The following MICAL3 variants were observed in gnomAD, a reference collection of about 807,000 sequenced individuals.
MICAL3 encodes the protein [F-actin]-monooxygenase MICAL3.
Under a neutral mutation model 207.4 loss-of-function variants are expected in MICAL3, and 62 were observed. That is an observed-to-expected ratio of 0.30 (90% confidence interval 0.24 to 0.37). The LOEUF (loss-of-function observed/expected upper bound fraction) is 0.37, where lower values mean the gene tolerates loss of function less well. MICAL3 is among the 10% of genes least tolerant of loss of function. The pLI, the probability that MICAL3 is intolerant of heterozygous loss-of-function variation, is 1.00. For synonymous variants in MICAL3, 1,077 were observed against 1,069.3 expected, an observed-to-expected ratio of 1.01 and a Z score of -0.14; for missense variants, 2,368 against 2,635.6, an observed-to-expected ratio of 0.90 and a Z score of 2.22.
chr22:17,896,331 G>A lies in MICAL3; in HGVS notation c.1237C>T (p.Arg413Trp). The A allele has an allele frequency of 3.2e-6, 5 of 1,558,196 alleles. No homozygotes were observed. Among genetic ancestry groups the A allele is most frequent in the Non-Finnish European group, 4.3e-6 (5 of 1,150,396 alleles). The change falls in exon 9 of 32, where the codon CGG becomes TGG. Residue 413 changes from arginine (R) to tryptophan (W), a missense_variant. By Grantham distance (101) the Arg-to-Trp change is moderately radical. Around this residue, in one of 4 missense-constraint regions of MICAL3, gnomAD observed 400 missense variants for 547.0 expected, o/e 0.73. Coordinates refer to ENST00000441493, the MANE Select transcript of MICAL3 (RefSeq NM_015241.3). ...GAGTCCATAGCAGCTAGAAAGCCCC[G>A]GGCTATTCCTGTTCCCATTGGCCAG... ...PFWPMGTGIA[R>W]GFLAAMDSAW...
chr22:17,999,204 G>T (rs1263259693), intron 1 of MICAL3, among the ~76,000 whole-genome samples: 2 of 152,190 alleles, frequency 1.3e-5, no homozygotes, highest in Non-Finnish European at 2.9e-5. Flanking sequence ...TGCAGGAAAG[G>T]GTCCCCTTTG....
chr22:17,906,861 G>C lies in MICAL3; in HGVS notation c.-49C>G. On this transcript the variant is annotated 5_prime_UTR_variant, in exon 2 of 32. Coordinates refer to ENST00000441493, the MANE Select transcript of MICAL3 (RefSeq NM_015241.3). ...CAGAGGGGGAGGTGGGATGGCTGTG[G>C]GTCCACCTGACACTGTCACGTTAAT... The C allele has an allele frequency of 6.6e-7, 1 of 1,508,380 alleles. No individual in the cohort carries two copies. Among genetic ancestry groups the C allele is most frequent in the Non-Finnish European group, 8.9e-7 (1 of 1,121,936 alleles). The allele number at this position is 1,508,380 out of a possible 1,614,324, so 93.4% of individuals were successfully genotyped here.
chr22:18,015,205 G>C (rs530544405), intron 1 of MICAL3, among the ~76,000 whole-genome samples: 23 of 152,196 alleles, frequency 1.5e-4, no homozygotes, highest in Admixed American at 8.5e-4. Context: ...ACACAGCTTG[G>C]ATTTATTCAA....
chr22:17,991,463 T>TA (rs772860047), intron 1 of MICAL3, among the ~76,000 whole-genome samples: 3 of 152,258 alleles, frequency 2.0e-5, no homozygotes, highest in Non-Finnish European at 2.9e-5. Context: ...ATTTTGAAGA[T>TA]AAATCCACGT....
chr22:17,790,471 A>G lies in MICAL3; in HGVS notation c.*261T>C, dbSNP rs1039199574. On this transcript the variant is annotated 3_prime_UTR_variant, in exon 32 of 32. Transcript: ENST00000441493. ...AGCGCGCGGGGTGGTCCCCTGCGTCATGCCATACACGCCGTGCTGCTCCTC... is the reference window on the plus strand; with the variant it reads ...AGCGCGCGGGGTGGTCCCCTGCGTCGTGCCATACACGCCGTGCTGCTCCTC... The G allele has an allele frequency of 3.2e-5, 17 of 524,690 alleles. No individual in the cohort carries two copies. The highest frequency in any genetic ancestry group is 5.4e-5 in the Non-Finnish European group (16 of 293,806). The allele number at this position is 524,690 out of a possible 1,614,324, so 32.5% of individuals were successfully genotyped here.
intron 16 of MICAL3, among the ~76,000 whole-genome samples, chr22:17,883,847 C>A (rs1929635731): frequency 6.6e-6 from 1 of 152,110 alleles, no homozygotes; most frequent in South Asian, 2.1e-4. Context: ...TCCTGGATAA[C>A]ATTCTCCTAT....
At chr22:17,810,928 C>T (rs1475795624) in intron 27 of MICAL3, 115 bp from the exon 28 acceptor site, 17 of 770,740 alleles carry the variant, frequency 2.2e-5, no homozygotes, top group Non-Finnish European at 3.4e-5. Flanking sequence ...AGCTGGTACC[C>T]GGGCAGATAG....
intron 1 of MICAL3, among the ~76,000 whole-genome samples, chr22:17,926,572 A>G (rs1932933107): frequency 6.6e-6 from 1 of 152,220 alleles, no homozygotes; most frequent in African/African-American, 2.4e-5. Flanking sequence ...AGGTTACTCA[A>G]AATAGAACCC....
At chr22:17,978,292 A>C (rs554384722) in intron 1 of MICAL3, among the ~76,000 whole-genome samples, 25 of 152,340 alleles carry the variant, frequency 1.6e-4, no homozygotes, top group African/African-American at 6.0e-4. Context: ...CCAGTTACAA[A>C]AGGGCAAATA....
At position 17,831,814 on chromosome 22, in the gene MICAL3, G is replaced by T. The variant is rs182044252; in HGVS notation, c.3055+40C>A. ...CTCACGCATGAAACAGATCACTTTG[G>T]GGGGCAGGGCAGAGTTCGGAGCAGA... is the stretch of plus-strand genomic sequence containing the variant. On this transcript the variant is annotated intron_variant, in intron 21 of 31. Coordinates refer to ENST00000441493, the MANE Select transcript of MICAL3 (RefSeq NM_015241.3). 1.0e-4 allele frequency: 159 copies of T among 1,538,130 alleles called. No homozygotes were observed. In the East Asian group the frequency reaches 1.8e-3, roughly 18 times the overall value.
At chr22:17,933,327 C>A (rs1933361259) in intron 1 of MICAL3, among the ~76,000 whole-genome samples, 1 of 152,186 alleles carries the variant, frequency 6.6e-6, no homozygotes, top group African/African-American at 2.4e-5. Flanking sequence ...TCACTCAAAA[C>A]CACACAACTA....
chr22:17,958,080 G>A (rs910684425), intron 1 of MICAL3, among the ~76,000 whole-genome samples: 1 of 152,158 alleles, frequency 6.6e-6, no homozygotes, highest in African/African-American at 2.4e-5. Context: ...CTCTTTAGTG[G>A]ACCCCAGATG....
At chr22:17,917,245 G>A (rs142898045) in intron 1 of MICAL3, among the ~76,000 whole-genome samples, 41 of 152,252 alleles carry the variant, frequency 2.7e-4, no homozygotes, top group Non-Finnish European at 3.5e-4. Flanking sequence ...CTACCTGGAT[G>A]TTTGACAGGC....
chr22:17,816,160 G>A (rs1442325633), intron 27 of MICAL3, among the ~76,000 whole-genome samples: 1 of 152,210 alleles, frequency 6.6e-6, no homozygotes, highest in Non-Finnish European at 1.5e-5. Flanking sequence ...AAAGTCCTGG[G>A]CTCTGGAAAG....
At chr22:17,827,358 AT>A (rs1294302968) in intron 22 of MICAL3, among the ~76,000 whole-genome samples, 1 of 152,246 alleles carries the variant, frequency 6.6e-6, no homozygotes, top group Non-Finnish European at 1.5e-5. Context: ...GACCAGAAAC[AT>A]GAGAGAAAGA....
intron 29 of MICAL3, among the ~76,000 whole-genome samples, chr22:17,807,764 A>C (rs1281908862): frequency 1.3e-5 from 2 of 152,236 alleles, no homozygotes; most frequent in Admixed American, 1.3e-4. Context: ...GTCTTTGAGC[A>C]AGATCAGATG....
chr22:17,821,199 C>T (rs963966370), intron 25 of MICAL3, among the ~76,000 whole-genome samples: 2 of 151,980 alleles, frequency 1.3e-5, no homozygotes, highest in Non-Finnish European at 1.5e-5. Flanking sequence ...CGGCCTCATC[C>T]CCAAGAGTAC....
At chr22:17,880,007 C>T (rs1452162534) in intron 16 of MICAL3, among the ~76,000 whole-genome samples, 3 of 152,212 alleles carry the variant, frequency 2.0e-5, no homozygotes, top group African/African-American at 2.4e-5. Flanking sequence ...GAGCCAGAAG[C>T]GGCAATCACA....
At chr22:17,842,125 G>A in intron 19 of MICAL3, 108 bp from the exon 20 acceptor site, 4 of 1,090,886 alleles carry the variant, frequency 3.7e-6, no homozygotes, top group Non-Finnish European at 5.3e-6. Context: ...TGTGGGGCAG[G>A]ACAAAGGTCA....
Sources: gnomAD v4.1 joint callset for allele counts (sites outside exome capture counted in the v4.1 genomes callset) on GRCh38, gnomAD v4.1.1 for gene constraint, gnomAD v4.1.1 regional missense constraint, MANE v1.5 for transcripts, NCBI Gene and HGNC (gene_info 2026-07-23, HGNC 2026-07-21) for gene names.